Variants in LUZP2 observed in about 807,000 individuals in gnomAD.
LUZP2 encodes the protein leucine zipper protein 2.
LUZP2 carries 52 observed loss-of-function variants against 51.6 expected under a neutral mutation model. That is an observed-to-expected ratio of 1.01 (90% CI 0.81 to 1.27). The LOEUF is 1.27. Among genes scored for constraint, LUZP2 ranks in the 50% most tolerant of loss-of-function variants. The probability of loss-of-function intolerance (pLI) is 0.00; values close to 1 mark genes in which losing one functional copy is unlikely to be tolerated. For synonymous variants in LUZP2, 154 were observed against 137.3 expected (o/e 1.12, Z -0.85); for missense variants, 436 against 395.4 (o/e 1.10, Z -0.87).
intron 5 of LUZP2, among the ~76,000 whole-genome samples, chr11:24,884,262 A>G (rs946650469): frequency 3.3e-5 from 5 of 152,020 alleles, no homozygotes; most frequent in African/African-American, 1.2e-4. Flanking sequence ...AAGTGTATGT[A>G]CATTTTGACC....
chr11:24,659,628 A>G (rs1389536453), intron 1 of LUZP2, among the ~76,000 whole-genome samples: 1 of 152,092 alleles, frequency 6.6e-6, no homozygotes, highest in African/African-American at 2.4e-5. Flanking sequence ...TAATTTTGGC[A>G]GCCCGTTCAA....
chr11:24,539,576 G>T (rs1327611824), intron 1 of LUZP2, among the ~76,000 whole-genome samples: 1 of 151,784 alleles, frequency 6.6e-6, no homozygotes, highest in African/African-American at 2.4e-5. Context: ...ATGAAAATAT[G>T]CCAGGAAGTA....
chr11:24,983,260 C>T lies in LUZP2; in HGVS notation c.732C>T (p.Ala244=), dbSNP rs891637377. 1.9e-6 allele frequency: 3 copies of T among 1,612,002 alleles called. No individual in the cohort carries two copies. Among genetic ancestry groups the T allele is most frequent in the Non-Finnish European group, 2.5e-6 (3 of 1,178,702 alleles). ...TRMLLPPRNI[A]SKLPDAAAKS... is the part of the protein sequence containing the mutation. ...TGTTACTCCCACCCAGGAATATTGCCTCTAAGCTTCCAGATGCAGCGGCCA... is the reference window on the plus strand; with the variant it reads ...TGTTACTCCCACCCAGGAATATTGCTTCTAAGCTTCCAGATGCAGCGGCCA... Residue 244 remains alanine (A), a synonymous_variant, in exon 9 of 12, where the codon GCC becomes GCT. Coordinates refer to ENST00000336930, the MANE Select transcript of LUZP2 (RefSeq NM_001009909.4).
At chr11:24,975,618 T>A (rs1855863219) in intron 7 of LUZP2, among the ~76,000 whole-genome samples, 1 of 152,068 alleles carries the variant, frequency 6.6e-6, no homozygotes, top group Non-Finnish European at 1.5e-5. Flanking sequence ...AACTTCCAAC[T>A]CTTCACATTC....
Position 24,931,885 on chromosome 11 carries a change from C to G in LUZP2, c.522+17347C>G, listed in dbSNP as rs145004295. The stretch of plus-strand genomic sequence containing the variant: ...TTGTTTTTTCTTTCATTTGGTTATA[C>G]TATATCAGAGGGAAGATCTGGGGTT... On this transcript the variant is annotated intron_variant, in intron 7 of 11. Coordinates refer to ENST00000336930, the MANE Select transcript of LUZP2 (RefSeq NM_001009909.4). Among the ~76,000 whole-genome samples the G allele has an allele frequency of 1.5e-3, 234 of 152,194 alleles. 4 individuals are homozygous for G. The East Asian group carries it at 0.039, about 26-fold the overall frequency.
intron 1 of LUZP2, among the ~76,000 whole-genome samples, chr11:24,603,181 T>C (rs184352971): frequency 6.6e-6 from 1 of 151,898 alleles, no homozygotes; most frequent in East Asian, 1.9e-4. Flanking sequence ...TCCTGAGAAT[T>C]AATGTGAAAC....
At position 25,080,082 on chromosome 11, in the gene LUZP2, A is replaced by G. The variant is rs1007859995; in HGVS notation, c.*1424A>G. The G allele has an allele frequency of 1.5e-4, 23 of 152,232 alleles. No homozygotes were observed. Among genetic ancestry groups the G allele is most frequent in the African/African-American group, 4.8e-4 (20 of 41,468 alleles). The allele number at this position is 152,232 out of a possible 1,614,324, so 9.4% of individuals were successfully genotyped here. On this transcript the variant is annotated 3_prime_UTR_variant, in exon 12 of 12. Transcript: ENST00000336930. The stretch of plus-strand genomic sequence containing the variant: ...ATATTTATGTAGCACTTCTATTTTC[A>G]GAATAGTTCAGTGTCATTCATTAGC...
At chr11:24,715,304 T>TGTGTGTGTGC (rs1351620044) in intron 1 of LUZP2, among the ~76,000 whole-genome samples, 3 of 67,690 alleles carry the variant, frequency 4.4e-5, no homozygotes, top group Admixed American at 2.8e-4. Flanking sequence ...TGTGTGTGTG[T>TGTGTGTGTGC]GTGCATGCGT....
intron 1 of LUZP2, among the ~76,000 whole-genome samples, chr11:24,520,972 C>T (rs372084402): frequency 5.3e-5 from 8 of 152,142 alleles, no homozygotes; most frequent in African/African-American, 1.7e-4. Flanking sequence ...TAGGACAATG[C>T]GTGTTTTTAG....
chr11:24,963,974 T>A (rs1347963382), intron 7 of LUZP2, among the ~76,000 whole-genome samples: 1 of 152,222 alleles, frequency 6.6e-6, no homozygotes, highest in African/African-American at 2.4e-5. Flanking sequence ...AACATGGGAA[T>A]GCAGATATCT....
intron 1 of LUZP2, among the ~76,000 whole-genome samples, chr11:24,588,457 T>G (rs1853146430): frequency 3.3e-5 from 5 of 152,080 alleles, no homozygotes; most frequent in Admixed American, 2.6e-4. Context: ...AAAAAATGAT[T>G]GCAAAGAAAT....
At chr11:24,733,508 A>C (rs1298958748) in intron 3 of LUZP2, among the ~76,000 whole-genome samples, 1 of 151,736 alleles carries the variant, frequency 6.6e-6, no homozygotes, top group African/African-American at 2.4e-5. Context: ...GTTAAGGTAA[A>C]TAAGCCAGGC....
At chr11:24,967,460 T>G (rs1412818014) in intron 7 of LUZP2, among the ~76,000 whole-genome samples, 1 of 152,020 alleles carries the variant, frequency 6.6e-6, no homozygotes, top group African/African-American at 2.4e-5. Context: ...CAATTCTGAA[T>G]GCATTTTTTC....
At chr11:24,971,641 T>TA (rs896570926) in intron 7 of LUZP2, among the ~76,000 whole-genome samples, 1 of 151,690 alleles carries the variant, frequency 6.6e-6, no homozygotes, top group African/African-American at 2.4e-5. Context: ...ATAGAAGTTT[T>TA]AAAAAAAAAT....
At chr11:24,895,161 A>T (rs12420376) in intron 5 of LUZP2, among the ~76,000 whole-genome samples, 1 of 152,166 alleles carries the variant, frequency 6.6e-6, no homozygotes, top group African/African-American at 2.4e-5. Flanking sequence ...TATTTTAGGA[A>T]GTTTAGGAAG....
intron 4 of LUZP2, among the ~76,000 whole-genome samples, chr11:24,740,674 A>C (rs559660464): frequency 6.6e-6 from 1 of 152,130 alleles, no homozygotes; most frequent in African/African-American, 2.4e-5. Flanking sequence ...ATTAATGTAC[A>C]TAATCTCTCT....
chr11:24,889,415 T>C (rs1852776668), intron 5 of LUZP2, among the ~76,000 whole-genome samples: 1 of 152,222 alleles, frequency 6.6e-6, no homozygotes, highest in Non-Finnish European at 1.5e-5. Flanking sequence ...ATTCAGGTCT[T>C]CTTTTTCTAA....
At chr11:24,650,809 G>A (rs561799375) in intron 1 of LUZP2, among the ~76,000 whole-genome samples, 14 of 152,184 alleles carry the variant, frequency 9.2e-5, no homozygotes, top group African/African-American at 3.4e-4. Context: ...TTCTTTGTAA[G>A]TTGGAGTTCT....
chr11:24,783,878 G>A (rs139651801), intron 5 of LUZP2, among the ~76,000 whole-genome samples: 39 of 152,024 alleles, frequency 2.6e-4, no homozygotes, highest in African/African-American at 9.2e-4. Flanking sequence ...CCTACCTCAA[G>A]GTATTTGTAG....
Sources: gnomAD v4.1 joint callset for allele counts (sites outside exome capture counted in the v4.1 genomes callset) on GRCh38, gnomAD v4.1.1 for gene constraint, MANE v1.5 for transcripts, NCBI Gene and HGNC (gene_info 2026-07-23, HGNC 2026-07-21) for gene names.